DAO: variants seen among roughly 807,000 people sequenced by gnomAD.
The protein encoded by DAO is D-amino acid oxidase.
DAO carries 51 observed loss-of-function variants against 50.1 expected under a neutral mutation model. The observed-to-expected ratio is 1.02, with a 90% confidence interval of 0.81 to 1.29. DAO has a LOEUF of 1.29. DAO is among the 50% of genes most tolerant of loss of function. The pLI, the probability that DAO is intolerant of heterozygous loss-of-function variation, is 0.00. For missense variants in DAO, 436 were observed against 439.4 expected (o/e 0.99, Z 0.07); for synonymous variants, 160 against 166.2 (o/e 0.96, Z 0.29).
intron 3 of DAO, among the ~76,000 whole-genome samples, chr12:108,888,805 T>G (rs1211057252): frequency 5.3e-5 from 8 of 152,138 alleles, no homozygotes. Flanking sequence ...TCTCCCCTAT[T>G]TCTGACTTTT....
Position 108,880,193 on chromosome 12 carries a change from T to A in DAO, c.-41T>A, listed in dbSNP as rs2039361459. 2.2e-6 allele frequency: 1 copy of A among 453,606 alleles called. No homozygotes were observed. The highest frequency in any genetic ancestry group is 1.6e-5 in the South Asian group (1 of 64,038). 28.1% of individuals were successfully genotyped at this position (453,606 alleles called of 1,614,324 possible). A position where few individuals can be genotyped will look rare whatever the true frequency, so the allele number is the denominator to read the frequency against. On this transcript the variant is annotated 5_prime_UTR_variant, in exon 1 of 11. Coordinates refer to ENST00000228476, the MANE Select transcript of DAO (RefSeq NM_001917.5). ...GCATCCTGTGTCCCCGCACTGCAGT[T>A]GTCTGGTCTCTCCAGCAGTTTGGTA...
rs755727984 is a variant in DAO, at chr12:108,898,797, G to A, written c.813+1G>A. ...CTGCAGACTGGAGCCCACACTGAAG[G>A]TAAGGTAGGGAGGAGTAGCAGTGCC... On this transcript the variant is annotated splice_donor_variant, in intron 9 of 10. Coordinates refer to ENST00000228476, the MANE Select transcript of DAO (RefSeq NM_001917.5). LOFTEE classifies it high-confidence loss of function. 1 of 1,607,742 alleles carries A rather than the reference G, an allele frequency of 6.2e-7. No individual in the cohort carries two copies. The highest frequency in any genetic ancestry group is 8.5e-7 in the Non-Finnish European group (1 of 1,174,206).
At chr12:108,884,555 C>T (rs1175355457) in intron 1 of DAO, among the ~76,000 whole-genome samples, 3 of 152,192 alleles carry the variant, frequency 2.0e-5, no homozygotes, top group Non-Finnish European at 4.4e-5. Context: ...TCCCATCCAT[C>T]CCCTCAAGCA....
rs2039422436 is a variant in DAO at position 108,885,171 on chromosome 12, C to T, written c.165C>T (p.Tyr55=). The T allele has an allele frequency of 1.2e-6, 2 of 1,613,482 alleles. No individual in the cohort carries two copies. Among genetic ancestry groups the T allele is most frequent in the Middle Eastern group, 1.7e-4 (1 of 6,058 alleles). ...TDVAAGLWQP[Y]LSDPNNPQEA... Reference sequence around the variant, plus strand: ...TGGCTGCCGGCCTCTGGCAGCCCTACCTTTCTGACCCCAACAACCCACAGG... The same window carrying T: ...TGGCTGCCGGCCTCTGGCAGCCCTATCTTTCTGACCCCAACAACCCACAGG... The change falls in exon 2 of 11, where the codon TAC becomes TAT. Residue 55 remains tyrosine, a synonymous_variant. Coordinates refer to ENST00000228476, the MANE Select transcript of DAO (RefSeq NM_001917.5).
chr12:108,900,310 G>T, intron 10 of DAO, 94 bp from the exon 11 acceptor site: 1 of 1,521,738 alleles, frequency 6.6e-7, no homozygotes, highest in East Asian at 2.3e-5. Flanking sequence ...AGGACTCTTC[G>T]GGAGGCTCCT....
In DAO at chr12:108,880,174, T is replaced by C. The variant is rs1390408660; in HGVS notation, c.-60T>C. On this transcript the variant is annotated 5_prime_UTR_variant, in exon 1 of 11. Coordinates refer to ENST00000228476, the MANE Select transcript of DAO (RefSeq NM_001917.5). ...AGCTTCCCCTCAGGAAATAGCATCC[T>C]GTGTCCCCGCACTGCAGTTGTCTGG... 1 of 456,068 alleles carries C rather than the reference T, an allele frequency of 2.2e-6. No homozygotes were observed. The highest frequency in any genetic ancestry group is 4.4e-6 in the Non-Finnish European group (1 of 226,720). The allele number at this position is 456,068 out of a possible 1,614,324, so 28.3% of individuals were successfully genotyped here. A position where few individuals can be genotyped will look rare whatever the true frequency, so the allele number is the denominator to read the frequency against.
At chr12:108,900,362 G>C in intron 10 of DAO, 42 bp from the exon 11 acceptor site, 1 of 1,610,896 alleles carries the variant, frequency 6.2e-7, no homozygotes, top group Non-Finnish European at 8.5e-7. Flanking sequence ...TCTTTCCACT[G>C]TCCCTCTCGG....
At chr12:108,884,532 A>G in intron 1 of DAO, among the ~76,000 whole-genome samples, 2 of 152,342 alleles carry the variant, frequency 1.3e-5, no homozygotes, top group East Asian at 1.9e-4. Flanking sequence ...TACGTTTGGC[A>G]TCTTGTTCAA....
At position 108,890,017 on chromosome 12, in the gene DAO, T is replaced by C. The variant is rs147403083; in HGVS notation, c.387-191T>C. 4.1e-3 allele frequency among the ~76,000 whole-genome samples: 623 copies of C among 152,294 alleles called. 1 individual carries two copies. Among genetic ancestry groups the C allele is most frequent in the African/African-American group, 0.014 (583 of 41,564 alleles). ...CACTTGCATTTTCCAATGTCAGATA[T>C]GGCCTTTTCTGATAGAAAAATTTTC... On this transcript the variant is annotated intron_variant, in intron 4 of 10. Coordinates refer to ENST00000228476, the MANE Select transcript of DAO (RefSeq NM_001917.5).
chr12:108,890,494 C>T (rs1424048951), intron 5 of DAO, among the ~76,000 whole-genome samples: 1 of 152,216 alleles, frequency 6.6e-6, no homozygotes, highest in Non-Finnish European at 1.5e-5. Flanking sequence ...GCTGTTTACA[C>T]ATGATGTCCA....
intron 8 of DAO, chr12:108,898,434 T>C: frequency 2.0e-6 from 1 of 501,782 alleles, no homozygotes. Context: ...GGTGAAATGA[T>C]GAATGCAGTT....
At chr12:108,886,370 G>A (rs2039436373) in intron 2 of DAO, among the ~76,000 whole-genome samples, 1 of 152,140 alleles carries the variant, frequency 6.6e-6, no homozygotes, top group Non-Finnish European at 1.5e-5. Flanking sequence ...TGGGTGGATG[G>A]ATGCACAGAT....
In DAO at chr12:108,893,960, A is replaced by C. The variant is rs17041058; in HGVS notation, c.508-303A>C. On this transcript the variant is annotated intron_variant, in intron 6 of 10. Coordinates refer to ENST00000228476, the MANE Select transcript of DAO (RefSeq NM_001917.5). Reference sequence around the variant, plus strand: ...TCCCCCATCCAAAGAACTGTTTTACAACCACTTTTATATTCAGAGTTGTGC... The same window carrying C: ...TCCCCCATCCAAAGAACTGTTTTACCACCACTTTTATATTCAGAGTTGTGC... 8.0e-3 allele frequency among the ~76,000 whole-genome samples: 1,213 copies of C among 152,290 alleles called. 19 individuals are homozygous for C. The highest frequency in any genetic ancestry group is 0.028 in the African/African-American group (1,159 of 41,538).
intron 1 of DAO, among the ~76,000 whole-genome samples, chr12:108,881,072 G>A (rs550511288): frequency 3.9e-5 from 6 of 151,976 alleles, no homozygotes; most frequent in Admixed American, 2.0e-4. Context: ...AGAGGATTAT[G>A]TCGGTACTGC....
chr12:108,887,624 G>A lies in DAO; in HGVS notation c.309+60G>A, dbSNP rs2039449522. The A allele has an allele frequency of 4.9e-5, 61 of 1,237,328 alleles. No individual in the cohort carries two copies. In the South Asian group the frequency reaches 7.2e-4, roughly 15 times the overall value. The allele number at this position is 1,237,328 out of a possible 1,614,324, so 76.6% of individuals were successfully genotyped here. On this transcript the variant is annotated intron_variant, in intron 3 of 10. Coordinates refer to ENST00000228476, the MANE Select transcript of DAO (RefSeq NM_001917.5). ...ACCCAGGGCTGGGGTAGTGAGGGTG[G>A]GTGCAGCAGAGCCTTAATCACAGAT...
intron 2 of DAO, 128 bp from the exon 3 acceptor site, chr12:108,887,322 C>T (rs1039887622): frequency 2.8e-5 from 22 of 775,296 alleles, no homozygotes; most frequent in Non-Finnish European, 4.8e-5. Context: ...CAGGAGTGAA[C>T]GTGGTGGATT....
At position 108,885,344 on chromosome 12, in the gene DAO, C is replaced by T. The variant is rs967051493; in HGVS notation, c.194+144C>T. On this transcript the variant is annotated intron_variant, in intron 2 of 10. Coordinates refer to ENST00000228476, the MANE Select transcript of DAO (RefSeq NM_001917.5). The stretch of plus-strand genomic sequence containing the variant: ...AAAGAAAATGCCAGGCGTGGTGGTT[C>T]ACGCCTTTAATCCTAGCACTTTGGG... 24 of 813,268 alleles carry T rather than the reference C, an allele frequency of 3.0e-5. No individual in the cohort carries two copies. The South Asian group carries it at 3.3e-4, about 11-fold the overall frequency. The allele number at this position is 813,268 out of a possible 1,614,324, so 50.4% of individuals were successfully genotyped here. A position where few individuals can be genotyped will look rare whatever the true frequency, so the allele number is the denominator to read the frequency against.
intron 10 of DAO, chr12:108,900,067 A>G (rs1323295287): frequency 5.5e-6 from 2 of 363,222 alleles, no homozygotes; most frequent in Admixed American, 3.9e-5. Flanking sequence ...GGATAGGGAC[A>G]GTTCTCCCTA....
rs1019588827 is a variant in DAO, at chr12:108,898,742, C to T, written c.759C>T (p.Ile253=). Residue 253 remains isoleucine (I), a synonymous_variant, in exon 9 of 11, where the codon ATC becomes ATT. Transcript: ENST00000228476. ...GAAACTGGAGTGAACTAAACAATAT[C>T]CAGGACCACAACACCATTTGGGAAG... ...QLGNWSELNN[I]QDHNTIWEGC... 6.2e-7 allele frequency: 1 copy of T among 1,614,054 alleles called. No individual in the cohort carries two copies. The highest frequency in any genetic ancestry group is 1.3e-5 in the African/African-American group (1 of 74,994).
Sources: gnomAD v4.1 joint callset for allele counts (sites outside exome capture counted in the v4.1 genomes callset) on GRCh38, gnomAD v4.1.1 for gene constraint, MANE v1.5 for transcripts, NCBI Gene and HGNC (gene_info 2026-07-23, HGNC 2026-07-21) for gene names.